The following SCAF4 variants were observed in gnomAD, a reference collection of about 807,000 sequenced individuals.
SCAF4 encodes SR-related CTD associated factor 4, also known as SR-related and CTD-associated factor 4.
SCAF4 carries 25 observed loss-of-function variants against 129.8 expected under a neutral mutation model. The ratio of observed to expected loss-of-function variants is 0.19; its 90% CI spans 0.14 to 0.27. The LOEUF (loss-of-function observed/expected upper bound fraction) is 0.27, where lower values mean the gene tolerates loss of function less well. Among genes scored for constraint, SCAF4 ranks in the 10% least tolerant of loss-of-function variants. The probability of loss-of-function intolerance (pLI) is 1.00; values close to 1 mark genes in which losing one functional copy is unlikely to be tolerated. For missense variants in SCAF4, 1,246 were observed against 1,457.1 expected (o/e 0.86, Z 2.36); for synonymous variants, 551 against 497.7 (o/e 1.11, Z -1.43).
chr21:31,684,748 C>T (rs1013752785), intron 19 of SCAF4: 3 of 361,862 alleles, frequency 8.3e-6, no homozygotes, highest in Non-Finnish European at 1.6e-5. Context: ...ACAGAGATTA[C>T]TTTTAATCAT....
intron 14 of SCAF4, among the ~76,000 whole-genome samples, chr21:31,691,194 C>T (rs1434738544): frequency 1.3e-5 from 2 of 152,106 alleles, no homozygotes; most frequent in Admixed American, 1.3e-4. Flanking sequence ...CTCACCCAAC[C>T]CAGCCAACAT....
intron 19 of SCAF4, chr21:31,684,798 A>G (rs746961458): frequency 2.5e-5 from 12 of 488,740 alleles, no homozygotes; most frequent in Non-Finnish European, 4.4e-5. Context: ...CCAAACTTTT[A>G]TTCAAGACAG....
intron 1 of SCAF4, among the ~76,000 whole-genome samples, chr21:31,725,171 C>A (rs1219098154): frequency 6.6e-6 from 1 of 152,140 alleles, no homozygotes; most frequent in Non-Finnish European, 1.5e-5. Flanking sequence ...TCCTCTACAT[C>A]TTTTCCATAC....
chr21:31,692,502 C>T, intron 12 of SCAF4, 53 bp from the exon 13 acceptor site: 1 of 1,157,700 alleles, frequency 8.6e-7, no homozygotes, highest in South Asian at 1.3e-5. Context: ...ATGAGCAGCA[C>T]TGTAGCTTAC....
chr21:31,687,447 G>A (rs2050152213), intron 16 of SCAF4, among the ~76,000 whole-genome samples: 2 of 151,966 alleles, frequency 1.3e-5, no homozygotes. Flanking sequence ...CCATACTGCT[G>A]AATATAAACA....
intron 1 of SCAF4, among the ~76,000 whole-genome samples, chr21:31,726,267 G>C (rs1264669941): frequency 6.6e-6 from 1 of 152,038 alleles, no homozygotes; most frequent in African/African-American, 2.4e-5. Flanking sequence ...GAATGGTCTC[G>C]ATCTCTTGAC....
At chr21:31,725,708 G>A (rs1419960172) in intron 1 of SCAF4, among the ~76,000 whole-genome samples, 2 of 152,036 alleles carry the variant, frequency 1.3e-5, no homozygotes, top group Non-Finnish European at 2.9e-5. Flanking sequence ...CTTTTTGTTC[G>A]TTTTCTCAGA....
intron 1 of SCAF4, among the ~76,000 whole-genome samples, chr21:31,719,667 G>A (rs2051024709): frequency 6.6e-6 from 1 of 152,078 alleles, no homozygotes; most frequent in South Asian, 2.1e-4. Context: ...ACCATGCCCG[G>A]CTAATTTTGT....
intron 19 of SCAF4, among the ~76,000 whole-genome samples, chr21:31,675,149 G>T: frequency 6.6e-6 from 1 of 152,208 alleles, no homozygotes; most frequent in East Asian, 1.9e-4. Context: ...ATGACTTGAT[G>T]AAAACTAAGA....
At chr21:31,714,650 TTTAGGGATTAG>T (rs2050882230) in intron 1 of SCAF4, among the ~76,000 whole-genome samples, 1 of 152,176 alleles carries the variant, frequency 6.6e-6, no homozygotes, top group Non-Finnish European at 1.5e-5. Flanking sequence ...ATTCACAATG[TTTAGGGATTAG>T]TCAAAGTAAC....
chr21:31,700,688 C>T (rs1046829730), intron 7 of SCAF4: 2 of 357,816 alleles, frequency 5.6e-6, no homozygotes, highest in Non-Finnish European at 5.2e-6. Flanking sequence ...CAGTAATCCC[C>T]AAGTATTGGG....
At chr21:31,728,408 C>T (rs2051262072) in intron 1 of SCAF4, among the ~76,000 whole-genome samples, 1 of 152,112 alleles carries the variant, frequency 6.6e-6, no homozygotes, top group Admixed American at 6.6e-5. Context: ...ACCATTCAAC[C>T]CTAAACCTCA....
Position 31,694,244 on chromosome 21 carries a change from T to C in SCAF4, c.1282A>G (p.Met428Val). 1 of 1,610,562 alleles carries C rather than the reference T, an allele frequency of 6.2e-7. No homozygotes were observed. Among genetic ancestry groups the C allele is most frequent in the Admixed American group, 1.7e-5 (1 of 59,930 alleles). ...GATCTTGACTTTCTGTTATCAGACA[T>C]ATGTCGCTTAACCTCTTGAATACAA... Reference protein sequence around the residue: ...QPCIQEVKRHMSDNRKSRSRS... With the variant: ...QPCIQEVKRHVSDNRKSRSRS... The change falls in exon 11 of 20, where the codon ATG becomes GTG. Residue 428 changes from methionine to valine, a missense_variant. By Grantham distance (21) the Met-to-Val change is conservative. Transcript: ENST00000286835.
At chr21:31,684,281 T>C (rs2050062737) in intron 19 of SCAF4, 1 of 153,252 alleles carries the variant, frequency 6.5e-6, no homozygotes, top group South Asian at 2.1e-4. Context: ...CAAGTGTTAA[T>C]TATATTTGGC....
At chr21:31,691,714 G>C in intron 14 of SCAF4, 103 bp downstream of exon 14, 1 of 386,540 alleles carries the variant, frequency 2.6e-6, no homozygotes, top group Non-Finnish European at 4.6e-6. Flanking sequence ...ATGCCTCAGT[G>C]TTGAAAGTCA....
chr21:31,674,382 A>G (rs1374595639), intron 19 of SCAF4, among the ~76,000 whole-genome samples: 1 of 152,212 alleles, frequency 6.6e-6, no homozygotes, highest in East Asian at 1.9e-4. Flanking sequence ...TTAAAACATT[A>G]TACACTCAAA....
chr21:31,685,840 T>C, intron 16 of SCAF4, 107 bp from the exon 17 acceptor site: 1 of 1,101,470 alleles, frequency 9.1e-7, no homozygotes, highest in Non-Finnish European at 1.3e-6. Context: ...GTTTCTTAAT[T>C]TGTGCTTATT....
rs1168324979 is a variant in SCAF4, at chr21:31,717,936, CACACACACACAT to C, written c.31-11591_31-11580del. On this transcript the variant is annotated intron_variant, in intron 1 of 19. Transcript: ENST00000286835. ...ACACACACACACACACACACACACA[CACACACACACAT>C]ATATATTTTTTTGAGATGGAGTTTC... Among the ~76,000 whole-genome samples, 213 of 133,016 alleles carry C rather than the reference CACACACACACAT, an allele frequency of 1.6e-3. 2 individuals carry two copies. Among genetic ancestry groups the C allele is most frequent in the African/African-American group, 5.3e-3 (181 of 34,076 alleles). 87.3% of individuals were successfully genotyped at this position (133,016 alleles called of 152,430 possible).
At chr21:31,726,992 CTT>C (rs1299878125) in intron 1 of SCAF4, among the ~76,000 whole-genome samples, 2 of 152,002 alleles carry the variant, frequency 1.3e-5, no homozygotes, top group Non-Finnish European at 2.9e-5. Context: ...GAAAGGAAGA[CTT>C]TATATTTTAT....
Sources: gnomAD v4.1 joint callset for allele counts (sites outside exome capture counted in the v4.1 genomes callset) on GRCh38, gnomAD v4.1.1 for gene constraint, MANE v1.5 for transcripts, NCBI Gene and HGNC (gene_info 2026-07-23, HGNC 2026-07-21) for gene names.